PIGV: variants seen among roughly 807,000 people sequenced by gnomAD.
The protein encoded by PIGV is GPI alpha-1,6-mannosyltransferase 2.
PIGV carries 27 observed loss-of-function variants against 39.2 expected under a neutral mutation model. The observed-to-expected ratio is 0.69, with a 90% CI of 0.51 to 0.95. The LOEUF (loss-of-function observed/expected upper bound fraction) is 0.95. PIGV is among the 40% of genes least tolerant of loss of function. The pLI, the probability that PIGV is intolerant of heterozygous loss-of-function variation, is 0.00. For missense variants in PIGV, 523 were observed against 586.4 expected (o/e 0.89, Z 1.12); for synonymous variants, 232 against 241.7 (o/e 0.96, Z 0.37).
At chr1:26,795,572 G>A (rs1186159415) in intron 3 of PIGV, among the ~76,000 whole-genome samples, 6 of 151,672 alleles carry the variant, frequency 4.0e-5, no homozygotes, top group South Asian at 2.1e-4. Context: ...TTAGCCGGGC[G>A]TGGTGGCAGG....
At chr1:26,791,042 G>T (rs2081302269) in intron 2 of PIGV, 149 bp downstream of exon 2, 1 of 678,220 alleles carries the variant, frequency 1.5e-6, no homozygotes, top group African/African-American at 1.8e-5. Flanking sequence ...CTGAAAAGTT[G>T]TCAGGAATCT....
chr1:26,790,978 C>A, intron 2 of PIGV, 85 bp downstream of exon 2: 1 of 1,125,024 alleles, frequency 8.9e-7, no homozygotes, highest in Non-Finnish European at 1.3e-6. Flanking sequence ...TCCTTTCCAC[C>A]TCTCAGGTGT....
chr1:26,795,969 C>A (rs2081378373), intron 3 of PIGV, among the ~76,000 whole-genome samples: 1 of 151,212 alleles, frequency 6.6e-6, no homozygotes, highest in African/African-American at 2.4e-5. Flanking sequence ...AGCGACTCTT[C>A]TGCCTCAATC....
At position 26,799,746 on chromosome 1, in the gene PIGV, C is replaced by A. The variant is rs1332871607; in HGVS notation, c.*1902C>A. Among the ~76,000 whole-genome samples the A allele has an allele frequency of 6.6e-6, 1 of 152,216 alleles. No individual in the cohort carries two copies. The highest frequency in any genetic ancestry group is 1.5e-5 in the Non-Finnish European group (1 of 68,032). On this transcript the variant is annotated 3_prime_UTR_variant, in exon 4 of 4. Transcript: ENST00000674202. ...TCAAATGCTTCTGAAAATGTACACA[C>A]AGATCAGGGCAGCCCTCTGCCTTCT...
At position 26,794,391 on chromosome 1, in the gene PIGV, A is replaced by AG; in HGVS notation, c.358dup (p.Ala120GlyfsTer17). The AG allele has an allele frequency of 1.2e-6, 2 of 1,614,252 alleles. No individual in the cohort carries two copies. Among genetic ancestry groups the AG allele is most frequent in the Non-Finnish European group, 1.7e-6 (2 of 1,180,042 alleles). On this transcript the variant is annotated frameshift_variant, in exon 3 of 4. Coordinates refer to ENST00000674202, the MANE Select transcript of PIGV (RefSeq NM_017837.4). LOFTEE classifies it high-confidence loss of function. The stretch of plus-strand genomic sequence containing the variant: ...TACGCAGTTGCCTGCTGATTTCGGT[A>AG]GCATCACTCAATTTCTTGTTCTTCA...
chr1:26,794,391 A>C lies in PIGV; in HGVS notation c.357A>C (p.Val119=). ...TACGCAGTTGCCTGCTGATTTCGGTAGCATCACTCAATTTCTTGTTCTTCA... is the reference window on the plus strand; with the variant it reads ...TACGCAGTTGCCTGCTGATTTCGGTCGCATCACTCAATTTCTTGTTCTTCA... ...LSLRSCLLIS[V]ASLNFLFFML... Residue 119 remains valine, a synonymous_variant, in exon 3 of 4, where the codon GTA becomes GTC. Coordinates refer to ENST00000674202, the MANE Select transcript of PIGV (RefSeq NM_017837.4). The C allele has an allele frequency of 6.2e-7, 1 of 1,614,252 alleles. No individual in the cohort carries two copies. Among genetic ancestry groups the C allele is most frequent in the East Asian group, 2.2e-5 (1 of 44,894 alleles).
rs778289119 is a variant in PIGV at position 26,794,187 on chromosome 1, T to C, written c.153T>C (p.Phe51=). 1.2e-6 allele frequency: 2 copies of C among 1,614,238 alleles called. No homozygotes were observed. Among genetic ancestry groups the C allele is most frequent in the Non-Finnish European group, 1.7e-6 (2 of 1,180,040 alleles). Residue 51 remains phenylalanine (F), a synonymous_variant, in exon 3 of 4, where the codon TTT becomes TTC. Coordinates refer to ENST00000674202, the MANE Select transcript of PIGV (RefSeq NM_017837.4). The part of the protein sequence containing the change: ...FSPPRLAPSG[F]VDQLVEGLLG... ...CTCCTCGCCTGGCCCCCTCAGGCTT[T>C]GTGGACCAACTCGTGGAAGGTCTTC...
At chr1:26,797,241 A>G (rs753453753) in intron 3 of PIGV, among the ~76,000 whole-genome samples, 17 of 152,214 alleles carry the variant, frequency 1.1e-4, no homozygotes, top group Non-Finnish European at 1.9e-4. Context: ...TCCCCAAATC[A>G]ATATCACAGA....
intron 2 of PIGV, among the ~76,000 whole-genome samples, chr1:26,793,016 C>CT (rs980761632): frequency 6.6e-5 from 10 of 152,224 alleles, no homozygotes; most frequent in African/African-American, 2.2e-4. Flanking sequence ...CCATCACATT[C>CT]TTCAGCCTAC....
intron 1 of PIGV, 108 bp from the exon 2 acceptor site, chr1:26,790,651 G>C: frequency 1.6e-6 from 1 of 643,094 alleles, no homozygotes; most frequent in Non-Finnish European, 2.8e-6. Context: ...AAGTTAGGTG[G>C]TTGGTTAAGT....
At position 26,794,655 on chromosome 1, in the gene PIGV, G is replaced by A. The variant is rs372005557; in HGVS notation, c.621G>A (p.Leu207=). 9.9e-6 allele frequency: 16 copies of A among 1,614,098 alleles called. No homozygotes were observed. The African/African-American group carries it at 2.1e-4, about 22-fold the overall frequency. The change falls in exon 3 of 4, where the codon CTG becomes CTA. Residue 207 remains leucine (L), a synonymous_variant. Coordinates refer to ENST00000674202, the MANE Select transcript of PIGV (RefSeq NM_017837.4). ...CCACTGGGGTACGCTCCAACGGGCT[G>A]GTCAGTGTTGGCTTCCTCATGCATT... ...AFATGVRSNG[L]VSVGFLMHSQ... is the part of the protein sequence containing the mutation.
intron 1 of PIGV, among the ~76,000 whole-genome samples, chr1:26,790,150 A>G: frequency 6.6e-6 from 1 of 152,198 alleles, no homozygotes; most frequent in Admixed American, 6.5e-5. Context: ...ACTTAATTTA[A>G]CAGACCAGCT....
At chr1:26,796,099 A>G (rs2081380395) in intron 3 of PIGV, among the ~76,000 whole-genome samples, 1 of 150,092 alleles carries the variant, frequency 6.7e-6, no homozygotes, top group Admixed American at 6.7e-5. Flanking sequence ...ACCTCAAGTG[A>G]TCTGCCCGCC....
intron 2 of PIGV, among the ~76,000 whole-genome samples, chr1:26,793,099 C>T (rs1226126535): frequency 1.3e-5 from 2 of 152,186 alleles, no homozygotes; most frequent in Non-Finnish European, 2.9e-5. Context: ...AAGGCTGGCT[C>T]CTCTACCTTT....
chr1:26,794,666 G>T lies in PIGV; in HGVS notation c.632G>T (p.Gly211Val), dbSNP rs1296279337. ...CGCTCCAACGGGCTGGTCAGTGTTG[G>T]CTTCCTCATGCATTCTCAATGCCAA... is the stretch of plus-strand genomic sequence containing the variant. ...GVRSNGLVSV[G>V]FLMHSQCQGF... is the part of the protein sequence containing the mutation. The change falls in exon 3 of 4, where the codon GGC becomes GTC. Residue 211 changes from glycine (G) to valine (V), a missense_variant. Physicochemically the swap from Gly to Val is moderately radical, Grantham distance 109. Transcript: ENST00000674202. The T allele has an allele frequency of 6.2e-7, 1 of 1,614,206 alleles. No homozygotes were observed. Among genetic ancestry groups the T allele is most frequent in the South Asian group, 1.1e-5 (1 of 91,080 alleles).
chr1:26,794,484 T>C lies in PIGV; in HGVS notation c.450T>C (p.Tyr150=), dbSNP rs765065261. The change falls in exon 3 of 4, where the codon TAT becomes TAC. Residue 150 remains tyrosine, a synonymous_variant. Transcript: ENST00000674202. The stretch of plus-strand genomic sequence containing the variant: ...TGCACTGTCCCCACCAGTCCTTTTA[T>C]GCAGCTCTGCTTTTCTGTCTCAGCC... The part of the protein sequence containing the change: ...LVLHCPHQSF[Y]AALLFCLSPA... The C allele has an allele frequency of 4.8e-5, 78 of 1,614,132 alleles. No homozygotes were observed. The highest frequency in any genetic ancestry group is 6.7e-5 in the Admixed American group (4 of 60,010).
Position 26,797,583 on chromosome 1 carries a change from C to T in PIGV, c.1221C>T (p.Gly407=). 1 of 1,614,072 alleles carries T rather than the reference C, an allele frequency of 6.2e-7. No individual in the cohort carries two copies. The highest frequency in any genetic ancestry group is 1.1e-5 in the South Asian group (1 of 91,080). The change falls in exon 4 of 4, where the codon GGC becomes GGT. Residue 407 remains glycine (G), a synonymous_variant. Transcript: ENST00000674202. The part of the protein sequence containing the change: ...MHVQVLTRFL[G]SSTPIMYWFP... ...TCTAGGTTCTCACCAGGTTTTTGGG[C>T]TCCTCCACTCCTATTATGTACTGGT...
At chr1:26,789,935 A>G (rs1292904284) in intron 1 of PIGV, among the ~76,000 whole-genome samples, 1 of 152,188 alleles carries the variant, frequency 6.6e-6, no homozygotes, top group Non-Finnish European at 1.5e-5. Context: ...TTTTAGCTCA[A>G]GGAATTATAA....
Position 26,799,836 on chromosome 1 carries a change from A to G in PIGV, c.*1992A>G, listed in dbSNP as rs1200519591. 6.6e-6 allele frequency among the ~76,000 whole-genome samples: 1 copy of G among 152,188 alleles called. No individual in the cohort carries two copies. Among genetic ancestry groups the G allele is most frequent in the African/African-American group, 2.4e-5 (1 of 41,460 alleles). ...CCCCTGCCCTAGTGTCCCTCCAGTT[A>G]GTTGGCAGAAACTGTTCCCTTTCTC... On this transcript the variant is annotated 3_prime_UTR_variant, in exon 4 of 4. Transcript: ENST00000674202.
Sources: gnomAD v4.1 joint callset for allele counts (sites outside exome capture counted in the v4.1 genomes callset) on GRCh38, gnomAD v4.1.1 for gene constraint, MANE v1.5 for transcripts, NCBI Gene and HGNC (gene_info 2026-07-23, HGNC 2026-07-21) for gene names.